RGS7: variants seen among roughly 807,000 people sequenced by gnomAD.
The protein encoded by RGS7 is regulator of G protein signaling 7, also known as regulator of G-protein signaling 7.
Under a neutral mutation model 81.1 loss-of-function variants are expected in RGS7, and 27 were observed. The observed-to-expected ratio is 0.33, with a 90% CI of 0.25 to 0.46. RGS7 has a LOEUF of 0.46. Ranked by LOEUF, RGS7 falls within the 20% of genes least tolerant of loss-of-function variation. The probability of loss-of-function intolerance (pLI) is 1.00; values close to 1 mark genes in which losing one functional copy is unlikely to be tolerated. For synonymous variants in RGS7, 208 were observed against 207.7 expected (o/e 1.00, Z -0.01); for missense variants, 396 against 607.4 (o/e 0.65, Z 3.66).
chr1:241,119,329 T>C (rs1404405998), intron 2 of RGS7, among the ~76,000 whole-genome samples: 1 of 152,218 alleles, frequency 6.6e-6, no homozygotes, highest in Non-Finnish European at 1.5e-5. Flanking sequence ...TATGTTGTTT[T>C]AGTTGAAGAA....
chr1:241,132,801 C>T (rs910917304), intron 2 of RGS7, among the ~76,000 whole-genome samples: 2 of 152,130 alleles, frequency 1.3e-5, no homozygotes, highest in South Asian at 2.1e-4. Flanking sequence ...CTAGCTCTGT[C>T]GCCCAGGCTG....
At chr1:241,169,185 G>C (rs2070516562) in intron 2 of RGS7, among the ~76,000 whole-genome samples, 1 of 146,590 alleles carries the variant, frequency 6.8e-6, no homozygotes, top group Non-Finnish European at 1.5e-5. Flanking sequence ...TAATATATAT[G>C]TTATATACAT....
chr1:240,960,217 C>CTTCTTCTTTTT (rs60911948), intron 4 of RGS7, among the ~76,000 whole-genome samples: 1 of 8,954 alleles, frequency 1.1e-4, no homozygotes, highest in African/African-American at 3.8e-4. Context: ...TCTTCTTCTT[C>CTTCTTCTTTTT]TTTTTTTTTT....
chr1:240,834,412 C>A (rs1694333837), intron 9 of RGS7, among the ~76,000 whole-genome samples: 1 of 152,188 alleles, frequency 6.6e-6, no homozygotes, highest in African/African-American at 2.4e-5. Flanking sequence ...ACGAAGTCAG[C>A]CTGAAGCTGT....
At chr1:240,916,109 C>CAAAAAA (rs60839025) in intron 6 of RGS7, among the ~76,000 whole-genome samples, 7 of 70,952 alleles carry the variant, frequency 9.9e-5, no homozygotes, top group African/African-American at 3.2e-4. Context: ...CTAAAAATAC[C>CAAAAAA]AAAAAAAAAA....
intron 2 of RGS7, among the ~76,000 whole-genome samples, chr1:241,342,890 T>C (rs1458776217): frequency 3.3e-5 from 5 of 151,970 alleles, no homozygotes; most frequent in Admixed American, 2.6e-4. Flanking sequence ...TGTGGAGAAA[T>C]TGGAACCTCT....
chr1:241,033,416 T>C (rs2060180652), intron 3 of RGS7, among the ~76,000 whole-genome samples: 1 of 152,106 alleles, frequency 6.6e-6, no homozygotes, highest in Non-Finnish European at 1.5e-5. Context: ...GTCTCTATTA[T>C]ATATTCATGA....
Position 240,868,113 on chromosome 1 carries a change from A to G in RGS7, c.609+474T>C, listed in dbSNP as rs986809629. 7.9e-5 allele frequency among the ~76,000 whole-genome samples: 9 copies of G among 114,074 alleles called. No individual in the cohort carries two copies. The highest frequency in any genetic ancestry group is 1.1e-4 in the Non-Finnish European group (6 of 54,284). The allele number at this position is 114,074 out of a possible 152,430, so 74.8% of individuals were successfully genotyped here. On this transcript the variant is annotated intron_variant, in intron 9 of 18. Coordinates refer to ENST00000440928, the MANE Select transcript of RGS7 (RefSeq NM_001364886.1). The surrounding 1 kb of genome is among the most constrained non-coding windows in gnomAD (Gnocchi z 5.1). ...GAAAGAAAAGAAAAAGAAAGAAAAG[A>G]AAAGGAAAGAAAGAAAGAAAGAAAG...
intron 3 of RGS7, among the ~76,000 whole-genome samples, chr1:241,041,277 G>C (rs867353957): frequency 1.3e-5 from 2 of 152,250 alleles, no homozygotes. Context: ...TTACTGCGGT[G>C]ATCTTTCACT....
intron 2 of RGS7, among the ~76,000 whole-genome samples, chr1:241,292,301 CATT>C (rs1325796956): frequency 1.3e-5 from 2 of 152,092 alleles, no homozygotes; most frequent in Admixed American, 6.5e-5. Flanking sequence ...TAGTCATTAT[CATT>C]ATTAAGTATT....
At chr1:241,128,027 C>T (rs1040304954) in intron 2 of RGS7, among the ~76,000 whole-genome samples, 6 of 151,992 alleles carry the variant, frequency 3.9e-5, no homozygotes, top group Non-Finnish European at 8.8e-5. Context: ...GCCTGTAATT[C>T]CAGCACTTTG....
At chr1:241,165,092 G>GACACC (rs1400632753) in intron 2 of RGS7, among the ~76,000 whole-genome samples, 3 of 152,162 alleles carry the variant, frequency 2.0e-5, no homozygotes, top group Non-Finnish European at 4.4e-5. Flanking sequence ...CTTAGCTCTT[G>GACACC]ACACCACAGC....
chr1:240,915,115 C>T (rs1022168054), intron 6 of RGS7, among the ~76,000 whole-genome samples: 4 of 152,134 alleles, frequency 2.6e-5, no homozygotes, highest in African/African-American at 9.7e-5. Context: ...CAACAAGGAA[C>T]AGGGAAAAAG....
At chr1:241,199,552 C>T (rs2815876) in intron 2 of RGS7, among the ~76,000 whole-genome samples, 124,515 of 152,032 alleles carry the variant, frequency 0.82, 51,057 homozygotes, top group Admixed American at 0.85. Flanking sequence ...GCCAGTGTTA[C>T]TTACATTTGA....
intron 2 of RGS7, among the ~76,000 whole-genome samples, chr1:241,318,081 T>C (rs894436401): frequency 4.6e-5 from 7 of 152,172 alleles, no homozygotes; most frequent in Non-Finnish European, 1.0e-4. Flanking sequence ...AATAATACAT[T>C]TGTCTACGTG....
intron 3 of RGS7, among the ~76,000 whole-genome samples, chr1:241,089,021 A>ATCTCTCTCTCCTC (rs2063668314): frequency 8.5e-5 from 2 of 23,652 alleles, no homozygotes; most frequent in African/African-American, 2.7e-4. Flanking sequence ...GCAAGACTCC[A>ATCTCTCTCTCCTC]TCTCTCTCTC....
chr1:240,938,004 C>T (rs532822341), intron 4 of RGS7, among the ~76,000 whole-genome samples: 46 of 152,242 alleles, frequency 3.0e-4, no homozygotes, highest in African/African-American at 1.1e-3. Context: ...GTTATTACTG[C>T]GTTTGTGCAG....
rs144728655 is a variant in RGS7 at position 240,810,540 on chromosome 1, G to A, written c.1082+1378C>T. Among the ~76,000 whole-genome samples, 13 of 149,166 alleles carry A rather than the reference G, an allele frequency of 8.7e-5. No individual in the cohort carries two copies. The East Asian group carries it at 2.4e-3, about 28-fold the overall frequency. On this transcript the variant is annotated intron_variant, in intron 14 of 18. Transcript: ENST00000440928. ...CAGCTCACTGCAACCTCCACCTCCTGGGTTTAAGCGATTCTCATTCCTCAG... is the reference window on the plus strand; with the variant it reads ...CAGCTCACTGCAACCTCCACCTCCTAGGTTTAAGCGATTCTCATTCCTCAG...
At chr1:240,995,971 G>A in intron 3 of RGS7, among the ~76,000 whole-genome samples, 1 of 151,452 alleles carries the variant, frequency 6.6e-6, no homozygotes, top group South Asian at 2.1e-4. Context: ...TCTCAGCCCT[G>A]CTTTAGCAGT....
Sources: gnomAD v4.1 joint callset for allele counts (sites outside exome capture counted in the v4.1 genomes callset) on GRCh38, gnomAD v4.1.1 for gene constraint, Gnocchi (gnomAD v3.1) non-coding constraint, MANE v1.5 for transcripts, NCBI Gene and HGNC (gene_info 2026-07-23, HGNC 2026-07-21) for gene names.